The following ADCY5 variants were observed in gnomAD, a reference collection of about 807,000 sequenced individuals.
ADCY5 encodes the protein adenylate cyclase type 5.
A neutral mutation model predicts 119.7 loss-of-function variants in ADCY5; 30 were observed. The observed-to-expected ratio is 0.25, with a 90% confidence interval of 0.19 to 0.34. The LOEUF (loss-of-function observed/expected upper bound fraction) is 0.34. ADCY5 is among the 10% of genes least tolerant of loss of function. The pLI, the probability that ADCY5 is intolerant of heterozygous loss-of-function variation, is 1.00. For synonymous variants in ADCY5, 753 were observed against 762.2 expected (o/e 0.99, Z 0.20); for missense variants, 1,324 against 1,775.2 (o/e 0.75, Z 4.57).
intron 8 of ADCY5, among the ~76,000 whole-genome samples, chr3:123,324,921 G>A (rs1283542962): frequency 1.3e-5 from 2 of 152,254 alleles, no homozygotes; most frequent in Non-Finnish European, 2.9e-5. Context: ...AGAAATGCAG[G>A]AGGTGCTGGA....
chr3:123,393,315 G>A (rs568429573), intron 1 of ADCY5, among the ~76,000 whole-genome samples: 1 of 151,854 alleles, frequency 6.6e-6, no homozygotes, highest in African/African-American at 2.4e-5. Flanking sequence ...ACTTTGGGAG[G>A]CAGAAGTGGG....
chr3:123,425,641 G>A (rs375603489), intron 1 of ADCY5, among the ~76,000 whole-genome samples: 2 of 152,182 alleles, frequency 1.3e-5, no homozygotes, highest in Non-Finnish European at 2.9e-5. Flanking sequence ...TGGTCACAGG[G>A]CTGACCTCGC....
rs1285607274 is a variant in ADCY5, at chr3:123,448,497, T to C, written c.49A>G (p.Thr17Ala). ...VSPPGYAAQK[T>A]AAPAPRGGPE... ...CCTCCCCGGGGCGCCGGCGCCGCAG[T>C]CTTCTGCGCCGCGTAGCCCGGGGGG... Residue 17 changes from threonine (T) to alanine (A), a missense_variant, in exon 1 of 21, where the codon ACT becomes GCT. Thr to Ala is a moderately conservative substitution (Grantham distance 58). Coordinates refer to ENST00000462833, the MANE Select transcript of ADCY5 (RefSeq NM_183357.3). 7.9e-7 allele frequency: 1 copy of C among 1,271,328 alleles called. No homozygotes were observed. Among genetic ancestry groups the C allele is most frequent in the African/African-American group, 1.5e-5 (1 of 64,642 alleles). 78.8% of individuals were successfully genotyped at this position (1,271,328 alleles called of 1,614,324 possible). A position where few individuals can be genotyped will look rare whatever the true frequency, so the allele number is the denominator to read the frequency against.
intron 3 of ADCY5, among the ~76,000 whole-genome samples, chr3:123,338,523 A>G (rs1942127018): frequency 6.6e-6 from 1 of 152,200 alleles, no homozygotes; most frequent in Non-Finnish European, 1.5e-5. Context: ...TCTGAAGGCC[A>G]TTTCCCAACT....
chr3:123,356,785 C>T (rs1943054621), intron 1 of ADCY5, among the ~76,000 whole-genome samples: 1 of 152,126 alleles, frequency 6.6e-6, no homozygotes, highest in South Asian at 2.1e-4. Context: ...GAAAACAGTT[C>T]AGCAATTTCT....
rs1941618796 is a variant in ADCY5, at chr3:123,328,813, A to T, written c.1647-11T>A. 1 of 1,613,608 alleles carries T rather than the reference A, an allele frequency of 6.2e-7. No individual in the cohort carries two copies. Reference sequence around the variant, plus strand: ...ACCTCCCGGACCAACCTGGGGATGGAGCAGGAGTAAAGCTGGGAGAAGGCT... The same window carrying T: ...ACCTCCCGGACCAACCTGGGGATGGTGCAGGAGTAAAGCTGGGAGAAGGCT... On this transcript the variant is annotated splice_polypyrimidine_tract_variant and intron_variant, in intron 5 of 20. Transcript: ENST00000462833.
At chr3:123,322,509 T>C (rs1941271746) in intron 8 of ADCY5, among the ~76,000 whole-genome samples, 3 of 152,048 alleles carry the variant, frequency 2.0e-5, no homozygotes, top group Admixed American at 2.0e-4. Context: ...ACAGAAAATA[T>C]ACTGGTACAC....
chr3:123,389,393 T>C (rs559362090), intron 1 of ADCY5, among the ~76,000 whole-genome samples: 2 of 152,266 alleles, frequency 1.3e-5, no homozygotes, highest in Admixed American at 1.3e-4. Flanking sequence ...GAGACTTTCC[T>C]CTGGACTAGG....
chr3:123,293,969 C>A (rs551647365), intron 17 of ADCY5, among the ~76,000 whole-genome samples: 1 of 152,130 alleles, frequency 6.6e-6, no homozygotes, highest in Non-Finnish European at 1.5e-5. Context: ...CCTGCGATCG[C>A]GTGTGTTGGA....
At chr3:123,339,952 T>C (rs539247349) in intron 3 of ADCY5, among the ~76,000 whole-genome samples, 2 of 152,340 alleles carry the variant, frequency 1.3e-5, no homozygotes, top group Admixed American at 6.5e-5. Context: ...TGCTCTTATT[T>C]TCCAATTTTT....
At chr3:123,376,782 C>T (rs531775846) in intron 1 of ADCY5, among the ~76,000 whole-genome samples, 2 of 152,186 alleles carry the variant, frequency 1.3e-5, no homozygotes, top group Non-Finnish European at 2.9e-5. Context: ...GAAACCAGGA[C>T]GAGCCCTCAG....
At chr3:123,413,854 C>T (rs1276410909) in intron 1 of ADCY5, among the ~76,000 whole-genome samples, 2 of 152,062 alleles carry the variant, frequency 1.3e-5, no homozygotes, top group African/African-American at 4.8e-5. Flanking sequence ...GCTGGGGAGA[C>T]AAAGGGGTGG....
intron 1 of ADCY5, among the ~76,000 whole-genome samples, chr3:123,425,580 C>T (rs1945389154): frequency 6.6e-6 from 1 of 152,186 alleles, no homozygotes; most frequent in South Asian, 2.1e-4. Context: ...CTTTCAAAAC[C>T]ATCCACAGCT....
At chr3:123,394,540 T>C (rs1431631116) in intron 1 of ADCY5, among the ~76,000 whole-genome samples, 1 of 152,164 alleles carries the variant, frequency 6.6e-6, no homozygotes, top group African/African-American at 2.4e-5. Context: ...AAAATTCTAA[T>C]AATATACTTG....
In ADCY5 at chr3:123,392,601, A is replaced by G. The variant is rs74816488; in HGVS notation, c.1135-40020T>C. On this transcript the variant is annotated intron_variant, in intron 1 of 20. Transcript: ENST00000462833. ...GGCCAGTCAGCCGATGAGTGGTGAC[A>G]AAGCTGGAGTCTGAATCCAGGCCCT... Among the ~76,000 whole-genome samples, 1,446 of 152,324 alleles carry G rather than the reference A, an allele frequency of 9.5e-3. 18 individuals are homozygous for G. The highest frequency in any genetic ancestry group is 0.032 in the African/African-American group (1,343 of 41,574).
chr3:123,396,324 A>G (rs1411651474), intron 1 of ADCY5, among the ~76,000 whole-genome samples: 1 of 147,314 alleles, frequency 6.8e-6, no homozygotes, highest in Non-Finnish European at 1.5e-5. Flanking sequence ...ATGAAAAAGG[A>G]AAGGAAAAGA....
intron 12 of ADCY5, among the ~76,000 whole-genome samples, chr3:123,304,580 G>C (rs1229449849): frequency 6.6e-6 from 1 of 152,086 alleles, no homozygotes; most frequent in Admixed American, 6.5e-5. Context: ...CAGGAGGGTT[G>C]AGAAGGCTTC....
Position 123,447,811 on chromosome 3 carries a change from G to C in ADCY5, c.735C>G (p.Leu245=), listed in dbSNP as rs752464744. The change falls in exon 1 of 21, where the codon CTC becomes CTG. Residue 245 remains leucine, a synonymous_variant. Coordinates refer to ENST00000462833, the MANE Select transcript of ADCY5 (RefSeq NM_183357.3). ...FRLNQSSLTM[L]MAVLVLVCLV... ...GGCACACGAGCACCAGCACGGCCATGAGCATGGTGAGGCTGCTCTGGTTCA... is the reference window on the plus strand; with the variant it reads ...GGCACACGAGCACCAGCACGGCCATCAGCATGGTGAGGCTGCTCTGGTTCA... 2.5e-6 allele frequency: 4 copies of C among 1,612,780 alleles called. No individual in the cohort carries two copies. Among genetic ancestry groups the C allele is most frequent in the Middle Eastern group, 3.3e-4 (2 of 6,060 alleles).
At chr3:123,289,610 A>G (rs1939010919) in intron 19 of ADCY5, 140 bp downstream of exon 19, 6 of 979,474 alleles carry the variant, frequency 6.1e-6, no homozygotes, top group Non-Finnish European at 7.7e-6. Context: ...GGCAGGGAAC[A>G]CACCACATCA....
Sources: allele counts gnomAD v4.1 joint callset (sites outside exome capture counted in the v4.1 genomes callset), GRCh38; gene constraint gnomAD v4.1.1; transcripts MANE v1.5; gene names NCBI Gene and HGNC (gene_info 2026-07-23, HGNC 2026-07-21).